Variants in MYO16 observed in about 807,000 individuals in gnomAD.
MYO16 encodes myosin XVI, also known as unconventional myosin-XVI.
MYO16 carries 94 observed loss-of-function variants against 205.3 expected under a neutral mutation model. The ratio of observed to expected loss-of-function variants is 0.46; its 90% confidence interval spans 0.39 to 0.54. The LOEUF (loss-of-function observed/expected upper bound fraction) is 0.54, where lower values mean the gene tolerates loss of function less well. MYO16 is among the 20% of genes least tolerant of loss of function. The pLI, the probability that MYO16 is intolerant of heterozygous loss-of-function variation, is 0.00. For missense variants in MYO16, 2,315 were observed against 2,387.5 expected (o/e 0.97, Z 0.63); for synonymous variants, 988 against 954.0 (o/e 1.04, Z -0.66).
chr13:109,119,514 A>G (rs538792974), intron 28 of MYO16, among the ~76,000 whole-genome samples: 2 of 152,316 alleles, frequency 1.3e-5, no homozygotes, highest in African/African-American at 4.8e-5. Context: ...AGTGCCTTCT[A>G]TGTGAGGGGT....
At chr13:108,740,256 T>C (rs1197404210) in intron 4 of MYO16, among the ~76,000 whole-genome samples, 1 of 152,170 alleles carries the variant, frequency 6.6e-6, no homozygotes, top group South Asian at 2.1e-4. Flanking sequence ...TTTTTCCCCA[T>C]CTTTGTGTTT....
the MYO16 span, among the ~76,000 whole-genome samples, chr13:108,580,392 A>G: frequency 2.6e-5 from 4 of 152,218 alleles, no homozygotes; most frequent in Admixed American, 6.5e-5. Flanking sequence ...AACCTCAAAC[A>G]TCTAAAGTTG....
chr13:108,712,108 G>C (rs923135503), intron 2 of MYO16, among the ~76,000 whole-genome samples: 2 of 152,178 alleles, frequency 1.3e-5, no homozygotes, highest in Non-Finnish European at 1.5e-5. Context: ...ATTTATTCGA[G>C]TAATTGGTAT....
rs201144515 is a variant in MYO16 at position 109,012,779 on chromosome 13, G to A, written c.2595+3730G>A. Among the ~76,000 whole-genome samples, 4 of 146,656 alleles carry A rather than the reference G, an allele frequency of 2.7e-5. No individual in the cohort carries two copies. The South Asian group carries it at 6.5e-4, about 24-fold the overall frequency. On this transcript the variant is annotated intron_variant, in intron 22 of 34. Coordinates refer to ENST00000457511, the MANE Select transcript of MYO16 (RefSeq NM_001198950.3). ...TCAAATTGTTGTTATATGTGTGTGT[G>A]TATATATATATATATATATGTATAT...
At chr13:109,128,293 A>G (rs1876361794) in intron 31 of MYO16, among the ~76,000 whole-genome samples, 1 of 152,234 alleles carries the variant, frequency 6.6e-6, no homozygotes, top group Admixed American at 6.5e-5. Context: ...GGTAAACATA[A>G]TACAACAGTA....
At chr13:108,676,851 G>C (rs141808571) in intron 2 of MYO16, among the ~76,000 whole-genome samples, 2 of 152,026 alleles carry the variant, frequency 1.3e-5, no homozygotes, top group African/African-American at 4.8e-5. Context: ...TCCCCAACCC[G>C]CCAGGAACAC....
intron 1 of MYO16, among the ~76,000 whole-genome samples, chr13:108,632,121 C>T (rs904926644): frequency 2.7e-5 from 4 of 149,518 alleles, no homozygotes; most frequent in Non-Finnish European, 4.4e-5. Flanking sequence ...CTCATGGTAT[C>T]CTAAGGGTTT....
intron 20 of MYO16, among the ~76,000 whole-genome samples, chr13:108,968,945 C>A (rs571483409): frequency 2.0e-5 from 3 of 152,202 alleles, no homozygotes; most frequent in Admixed American, 1.3e-4. Context: ...AGACTTACAG[C>A]TAAAGGGGCT....
At chr13:108,528,708 C>G in the MYO16 span, among the ~76,000 whole-genome samples, 1 of 125,736 alleles carries the variant, frequency 8.0e-6, no homozygotes, top group Admixed American at 8.5e-5. Flanking sequence ...CCCCTCCTCT[C>G]CCGTCACGTC....
chr13:109,154,174 T>C (rs1877854716), intron 32 of MYO16, among the ~76,000 whole-genome samples: 1 of 152,232 alleles, frequency 6.6e-6, no homozygotes, highest in Admixed American at 6.5e-5. Flanking sequence ...TGGGAGCCAG[T>C]GAGTGTGGGC....
At chr13:108,509,140 G>C in the MYO16 span, among the ~76,000 whole-genome samples, 1 of 152,170 alleles carries the variant, frequency 6.6e-6, no homozygotes, top group Non-Finnish European at 1.5e-5. Context: ...TAAAAGAACA[G>C]GTAGAGAGAT....
At chr13:108,677,579 G>A (rs1882286839) in intron 2 of MYO16, among the ~76,000 whole-genome samples, 1 of 151,700 alleles carries the variant, frequency 6.6e-6, no homozygotes, top group Admixed American at 6.6e-5. Context: ...AGGGAAGGGG[G>A]AAGGAAGGAA....
At chr13:108,540,720 C>T in the MYO16 span, among the ~76,000 whole-genome samples, 1 of 152,034 alleles carries the variant, frequency 6.6e-6, no homozygotes, top group Non-Finnish European at 1.5e-5. Flanking sequence ...CCATATTCAC[C>T]ATAACATGAG....
intron 34 of MYO16, among the ~76,000 whole-genome samples, chr13:109,185,650 CA>C (rs1879655611): frequency 6.6e-6 from 1 of 152,146 alleles, no homozygotes; most frequent in African/African-American, 2.4e-5. Flanking sequence ...AATGAAACAT[CA>C]CCTTTAATAA....
At chr13:108,747,720 A>G (rs1329626113) in intron 4 of MYO16, among the ~76,000 whole-genome samples, 1 of 152,150 alleles carries the variant, frequency 6.6e-6, no homozygotes, top group Non-Finnish European at 1.5e-5. Context: ...AAACACACCA[A>G]TTAAAAGAAA....
intron 23 of MYO16, among the ~76,000 whole-genome samples, chr13:109,022,685 A>AGC (rs1566466640): frequency 1.9e-5 from 1 of 52,526 alleles, no homozygotes; most frequent in African/African-American, 5.5e-5. Flanking sequence ...TACACATATA[A>AGC]ACATGTATAT....
chr13:108,796,322 C>T (rs1395247144), intron 6 of MYO16, among the ~76,000 whole-genome samples: 8 of 152,198 alleles, frequency 5.3e-5, no homozygotes, highest in Non-Finnish European at 8.8e-5. Context: ...GTTGGTGGGA[C>T]TGTAAACTAG....
In MYO16 at chr13:109,140,890, C is replaced by G; in HGVS notation, c.4678C>G (p.Leu1560Val). Residue 1560 changes from leucine (L) to valine (V), a missense_variant, in exon 32 of 35, where the codon CTG becomes GTG. Around this residue, in one of 3 missense-constraint regions of MYO16, gnomAD observed 1,097 missense variants for 1,092.0 expected, o/e 1.00. Transcript: ENST00000457511. This position sits in a 1 kb window ranked among gnomAD's most constrained non-coding sequence, Gnocchi z 8.0. ...YPVQPEGSSP[L>V]SPQYSKSQKG... ...CGTGCAGCCGGAGGGGTCGAGCCCG[C>G]TGTCCCCGCAGTACTCCAAGAGCCA... 6.3e-7 allele frequency: 1 copy of G among 1,593,720 alleles called. No homozygotes were observed. Among genetic ancestry groups the G allele is most frequent in the Non-Finnish European group, 8.5e-7 (1 of 1,171,812 alleles).
chr13:108,546,753 T>C, the MYO16 span, among the ~76,000 whole-genome samples: 2 of 152,218 alleles, frequency 1.3e-5, no homozygotes, highest in Non-Finnish European at 2.9e-5. Flanking sequence ...AAGTGGGGCA[T>C]GGAAACCTTG....
Sources: allele counts gnomAD v4.1 joint callset (sites outside exome capture counted in the v4.1 genomes callset), GRCh38; gene constraint gnomAD v4.1.1; regional missense constraint gnomAD v4.1.1; non-coding constraint Gnocchi (gnomAD v3.1); transcripts MANE v1.5; gene names NCBI Gene and HGNC (gene_info 2026-07-23, HGNC 2026-07-21).